The following CPE variants were observed in gnomAD, a reference collection of about 807,000 sequenced individuals.
The protein encoded by CPE is carbocypeptidase E.
A neutral mutation model predicts 53.5 loss-of-function variants in CPE; 17 were observed. The observed-to-expected ratio is 0.32, with a 90% confidence interval of 0.22 to 0.48. The LOEUF (loss-of-function observed/expected upper bound fraction) is 0.48, where lower values mean the gene tolerates loss of function less well. CPE is among the 20% of genes least tolerant of loss of function. The probability of loss-of-function intolerance (pLI) is 0.99; values close to 1 mark genes in which losing one functional copy is unlikely to be tolerated. For missense variants in CPE, 524 were observed against 614.7 expected (o/e 0.85, Z 1.56); for synonymous variants, 226 against 228.8 (o/e 0.99, Z 0.11).
At chr4:165,496,049 G>A (rs1272702761) in intron 8 of CPE, among the ~76,000 whole-genome samples, 1 of 151,968 alleles carries the variant, frequency 6.6e-6, no homozygotes, top group East Asian at 1.9e-4. Context: ...GAAAATTTTA[G>A]GTGGTAACCA....
chr4:165,469,712 T>C (rs560006679), intron 3 of CPE, among the ~76,000 whole-genome samples: 1 of 152,336 alleles, frequency 6.6e-6, no homozygotes, highest in African/African-American at 2.4e-5. Context: ...CCCCTTTGAT[T>C]CTAGAATTTG....
chr4:165,427,302 T>G (rs146479999), intron 1 of CPE, among the ~76,000 whole-genome samples: 15 of 151,756 alleles, frequency 9.9e-5, no homozygotes, highest in African/African-American at 3.4e-4. Flanking sequence ...GTTTCTTCCT[T>G]TCTCTTCTCT....
rs150339735 is a variant in CPE, at chr4:165,387,763, G to A, written c.307+8235G>A. Among the ~76,000 whole-genome samples the A allele has an allele frequency of 2.1e-3, 313 of 152,236 alleles. 7 individuals carry two copies. The East Asian group carries it at 0.052, about 25-fold the overall frequency. ...GGCGGAGGTTGTGGTGAGCGAGATC[G>A]CACCACTGCACTCCAGCCTGGGCGC... On this transcript the variant is annotated intron_variant, in intron 1 of 8. Transcript: ENST00000402744.
At chr4:165,490,863 C>T (rs1194785564) in intron 6 of CPE, among the ~76,000 whole-genome samples, 1 of 152,146 alleles carries the variant, frequency 6.6e-6, no homozygotes, top group Non-Finnish European at 1.5e-5. Flanking sequence ...GCTTTTTCAG[C>T]CTTCGCTGAA....
At position 165,495,640 on chromosome 4, in the gene CPE, C is replaced by G; in HGVS notation, c.1295C>G (p.Thr432Arg). The G allele has an allele frequency of 6.2e-7, 1 of 1,613,608 alleles. No individual in the cohort carries two copies. The highest frequency in any genetic ancestry group is 8.5e-7 in the Non-Finnish European group (1 of 1,179,786). ...TCAGCTCCAGGCTATCTGGCAATAA[C>G]AAAGAAAGTGGCAGTTCCTTACAGC... ...TASAPGYLAI[T>R]KKVAVPYSPA... The change falls in exon 8 of 9, where the codon ACA (threonine) becomes AGA (arginine). Residue 432 changes from threonine to arginine, a missense_variant. Physicochemically the swap from Thr to Arg is moderately conservative, Grantham distance 71 (BLOSUM62 -1). Transcript: ENST00000402744.
At chr4:165,440,617 A>AT (rs1178853395) in intron 1 of CPE, among the ~76,000 whole-genome samples, 5 of 151,992 alleles carry the variant, frequency 3.3e-5, no homozygotes, top group Admixed American at 6.6e-5. Flanking sequence ...ACTTTGTGGG[A>AT]TTTTTTCCTC....
chr4:165,494,288 A>C (rs1351402227), intron 7 of CPE, among the ~76,000 whole-genome samples: 2 of 152,148 alleles, frequency 1.3e-5, no homozygotes, highest in Admixed American at 6.5e-5. Context: ...CAAATATTTT[A>C]TTTTCTCTAC....
intron 1 of CPE, among the ~76,000 whole-genome samples, chr4:165,456,077 T>A (rs1731896513): frequency 6.6e-6 from 1 of 152,222 alleles, no homozygotes; most frequent in Admixed American, 6.5e-5. Flanking sequence ...AATGATGAAT[T>A]TATATGAATG....
At chr4:165,454,141 C>T (rs1242731118) in intron 1 of CPE, among the ~76,000 whole-genome samples, 1 of 152,156 alleles carries the variant, frequency 6.6e-6, no homozygotes, top group African/African-American at 2.4e-5. Flanking sequence ...AAAAAAGCCT[C>T]TCATATGCCA....
At chr4:165,411,840 T>C (rs1410644127) in intron 1 of CPE, among the ~76,000 whole-genome samples, 1 of 152,182 alleles carries the variant, frequency 6.6e-6, no homozygotes, top group Non-Finnish European at 1.5e-5. Context: ...GCACTATACC[T>C]GTGGCTGGTG....
intron 1 of CPE, among the ~76,000 whole-genome samples, chr4:165,432,669 C>T (rs761721422): frequency 6.6e-6 from 1 of 152,082 alleles, no homozygotes; most frequent in African/African-American, 2.4e-5. Context: ...TGTGAGTATC[C>T]TCCTTTTCCC....
chr4:165,429,945 T>G (rs908249561), intron 1 of CPE, among the ~76,000 whole-genome samples: 3 of 152,162 alleles, frequency 2.0e-5, no homozygotes, highest in African/African-American at 7.2e-5. Flanking sequence ...ATAACCTCAT[T>G]TGGCATGAGG....
chr4:165,396,237 A>G (rs2126658332), intron 1 of CPE, among the ~76,000 whole-genome samples: 1 of 151,480 alleles, frequency 6.6e-6, no homozygotes, highest in Non-Finnish European at 1.5e-5. Context: ...TAGGGAACTT[A>G]TTGGGTGCTG....
Position 165,461,427 on chromosome 4 carries a change from G to A in CPE, c.308-2963G>A, listed in dbSNP as rs749234326. 6.6e-5 allele frequency among the ~76,000 whole-genome samples: 10 copies of A among 152,012 alleles called. 1 individual carries two copies. The highest frequency in any genetic ancestry group is 1.2e-4 in the Non-Finnish European group (8 of 68,004). On this transcript the variant is annotated intron_variant, in intron 1 of 8. Transcript: ENST00000402744. ...AAACCACATGGAGGTTCAAGATCTC[G>A]TAGAGAATTTTGGTCTTTATCATGA...
intron 2 of CPE, 134 bp from the exon 3 acceptor site, chr4:165,467,554 G>A (rs2126702495): frequency 1.3e-6 from 1 of 795,020 alleles, no homozygotes; most frequent in East Asian, 2.7e-5. Flanking sequence ...TAGTGAAAAT[G>A]CTGACATGGG....
At chr4:165,404,679 A>G (rs2241813) in intron 1 of CPE, 439,191 of 981,294 alleles carry the variant, frequency 0.45, 100,349 homozygotes, top group African/African-American at 0.58. Flanking sequence ...TGGAGGATTC[A>G]GATGACTTCA....
chr4:165,481,546 C>T (rs1367491997), intron 3 of CPE, among the ~76,000 whole-genome samples: 2 of 152,150 alleles, frequency 1.3e-5, no homozygotes, highest in African/African-American at 4.8e-5. Flanking sequence ...GCTTTTGGCT[C>T]CACATTATTT....
intron 1 of CPE, among the ~76,000 whole-genome samples, chr4:165,432,490 G>A (rs751964707): frequency 2.0e-5 from 3 of 152,100 alleles, no homozygotes; most frequent in Non-Finnish European, 4.4e-5. Context: ...TAGAGATGGC[G>A]TTTCACTATT....
intron 1 of CPE, among the ~76,000 whole-genome samples, chr4:165,427,313 C>T (rs1731337257): frequency 6.8e-6 from 1 of 146,210 alleles, no homozygotes; most frequent in Non-Finnish European, 1.5e-5. Context: ...TCTCTTCTCT[C>T]ACTTTAGCAA....
Sources: allele counts gnomAD v4.1 joint callset (sites outside exome capture counted in the v4.1 genomes callset), GRCh38; gene constraint gnomAD v4.1.1; transcripts MANE v1.5; gene names NCBI Gene and HGNC (gene_info 2026-07-23, HGNC 2026-07-21).